LRRC7: variants seen among roughly 807,000 people sequenced by gnomAD.
LRRC7 encodes leucine-rich repeat-containing protein 7.
In LRRC7, 23 loss-of-function variants were observed where a neutral mutation model predicts 175.7. The observed-to-expected ratio is 0.13, with a 90% CI of 0.09 to 0.19. LRRC7 has a LOEUF of 0.19. Ranked by LOEUF, LRRC7 falls within the 10% of genes least tolerant of loss-of-function variation. The pLI, the probability that LRRC7 is intolerant of heterozygous loss-of-function variation, is 1.00. For missense variants in LRRC7, 1,354 were observed against 1,904.7 expected, an observed-to-expected ratio of 0.71 and a Z score of 5.38; for synonymous variants, 685 against 680.9, an observed-to-expected ratio of 1.01 and a Z score of -0.09.
chr1:70,100,257 T>C (rs689138), intron 25 of LRRC7, among the ~76,000 whole-genome samples: 150,242 of 152,256 alleles, frequency 0.99, 74,204 homozygotes, highest in African/African-American at 1. Flanking sequence ...TATTCTAGTA[T>C]TTATATATCA....
chr1:70,080,272 T>A (rs1282343315), intron 24 of LRRC7, among the ~76,000 whole-genome samples: 2 of 152,208 alleles, frequency 1.3e-5, no homozygotes, highest in African/African-American at 2.4e-5. Flanking sequence ...AACTAGTGTA[T>A]TTTTAACCTG....
At position 69,824,061 on chromosome 1, in the gene LRRC7, C is replaced by A. The variant is rs372278172; in HGVS notation, c.422-1687C>A. Reference sequence around the variant, plus strand: ...TCACCACAGTAGGCAATTCCATTTTCAGTAGAAGATAAAGAGACGTCATCT... The same window carrying A: ...TCACCACAGTAGGCAATTCCATTTTAAGTAGAAGATAAAGAGACGTCATCT... On this transcript the variant is annotated intron_variant, in intron 4 of 26. Transcript: ENST00000651989. Among the ~76,000 whole-genome samples, 10 of 152,262 alleles carry A rather than the reference C, an allele frequency of 6.6e-5. No individual in the cohort carries two copies. In the East Asian group the frequency reaches 7.7e-4, roughly 12 times the overall value.
intron 16 of LRRC7, 151 bp from the exon 17 acceptor site, chr1:70,022,975 T>C (rs1417031392): frequency 5.1e-6 from 5 of 970,906 alleles, no homozygotes; most frequent in Non-Finnish European, 7.1e-6. Flanking sequence ...ATTAGTACTG[T>C]TTTATACATG....
intron 7 of LRRC7, among the ~76,000 whole-genome samples, chr1:69,854,389 G>C: frequency 6.6e-6 from 1 of 152,108 alleles, no homozygotes; most frequent in Non-Finnish European, 1.5e-5. Context: ...TGTGGTCCTA[G>C]CTACTTGGGA....
intron 1 of LRRC7, among the ~76,000 whole-genome samples, chr1:69,588,951 C>G (rs1415836380): frequency 1.3e-5 from 2 of 151,336 alleles, no homozygotes; most frequent in African/African-American, 2.4e-5. Context: ...TTCCTTCTTC[C>G]CTATGCAGTT....
At chr1:69,599,938 T>C (rs1289850737) in intron 1 of LRRC7, among the ~76,000 whole-genome samples, 1 of 152,062 alleles carries the variant, frequency 6.6e-6, no homozygotes, top group East Asian at 1.9e-4. Flanking sequence ...ACATAGAAAA[T>C]AAACTGCCAC....
chr1:69,624,631 T>C (rs1249132728), intron 1 of LRRC7, among the ~76,000 whole-genome samples: 1 of 152,116 alleles, frequency 6.6e-6, no homozygotes, highest in Non-Finnish European at 1.5e-5. Flanking sequence ...AAAAGTTCTT[T>C]GATTTTTACA....
chr1:69,676,132 A>G (rs1186467087), intron 1 of LRRC7, among the ~76,000 whole-genome samples: 1 of 151,930 alleles, frequency 6.6e-6, no homozygotes, highest in African/African-American at 2.4e-5. Context: ...AAGTTCCCAT[A>G]GGAGTAGTAT....
intron 22 of LRRC7, among the ~76,000 whole-genome samples, chr1:70,048,502 T>TG (rs1660506266): frequency 6.6e-6 from 1 of 152,158 alleles, no homozygotes; most frequent in Admixed American, 6.6e-5. Context: ...TACTCTATGA[T>TG]GATGCTTTCT....
chr1:70,085,763 T>C (rs1460701850), intron 24 of LRRC7, among the ~76,000 whole-genome samples: 3 of 152,204 alleles, frequency 2.0e-5, no homozygotes, highest in Non-Finnish European at 2.9e-5. Context: ...TCCTGCTGTT[T>C]TCCACAGTTC....
chr1:69,671,280 T>A (rs1490683257), intron 1 of LRRC7, among the ~76,000 whole-genome samples: 2 of 152,054 alleles, frequency 1.3e-5, no homozygotes, highest in African/African-American at 4.8e-5. Context: ...GTGTGTCTAG[T>A]AGTATCATGT....
At chr1:69,762,832 C>T (rs1671181719) in intron 3 of LRRC7, among the ~76,000 whole-genome samples, 1 of 152,046 alleles carries the variant, frequency 6.6e-6, no homozygotes, top group East Asian at 1.9e-4. Flanking sequence ...ATATATTTTA[C>T]CAGTGCATTA....
chr1:69,769,141 A>T (rs749864344), intron 3 of LRRC7, among the ~76,000 whole-genome samples: 10 of 152,200 alleles, frequency 6.6e-5, no homozygotes, highest in Non-Finnish European at 1.5e-4. Flanking sequence ...AATGTAAAGA[A>T]TTCTGGTGAA....
intron 8 of LRRC7, among the ~76,000 whole-genome samples, chr1:69,974,137 TACTC>T (rs1337896896): frequency 2.0e-5 from 3 of 152,224 alleles, no homozygotes; most frequent in African/African-American, 7.2e-5. Flanking sequence ...TGTACTTGCT[TACTC>T]ACACAATATT....
chr1:70,092,381 C>T (rs1664092928), intron 25 of LRRC7, among the ~76,000 whole-genome samples: 1 of 152,092 alleles, frequency 6.6e-6, no homozygotes, highest in South Asian at 2.1e-4. Context: ...ATACTCTCTT[C>T]AAATAAATAA....
chr1:69,783,041 A>G (rs1043645016), intron 3 of LRRC7, among the ~76,000 whole-genome samples: 1 of 152,170 alleles, frequency 6.6e-6, no homozygotes, highest in Non-Finnish European at 1.5e-5. Context: ...ACTAAAACCC[A>G]CATTTTTCAT....
intron 7 of LRRC7, among the ~76,000 whole-genome samples, chr1:69,904,456 G>GA (rs921362878): frequency 2.2e-4 from 34 of 152,154 alleles, no homozygotes; most frequent in African/African-American, 7.9e-4. Context: ...AATAATTGAT[G>GA]AAAAAACCAT....
At chr1:69,918,426 T>C (rs1362943213) in intron 7 of LRRC7, among the ~76,000 whole-genome samples, 3 of 152,234 alleles carry the variant, frequency 2.0e-5, no homozygotes, top group African/African-American at 7.2e-5. Flanking sequence ...AAATCTTACT[T>C]GTTTGTATGC....
chr1:69,829,242 C>A (rs890488771), intron 5 of LRRC7, among the ~76,000 whole-genome samples: 2 of 151,728 alleles, frequency 1.3e-5, no homozygotes, highest in Non-Finnish European at 3.0e-5. Context: ...ATTTGAAGAC[C>A]TGTGATTATA....
Sources: allele counts gnomAD v4.1 joint callset (sites outside exome capture counted in the v4.1 genomes callset), GRCh38; gene constraint gnomAD v4.1.1; transcripts MANE v1.5; gene names NCBI Gene and HGNC (gene_info 2026-07-23, HGNC 2026-07-21).